ABCB5: variants seen among roughly 807,000 people sequenced by gnomAD.
ABCB5 encodes the protein ATP-binding cassette sub-family B member 5.
ABCB5 carries 155 observed loss-of-function variants against 144.2 expected under a neutral mutation model. The observed-to-expected ratio is 1.08, with a 90% CI of 0.94 to 1.23. ABCB5 has a LOEUF of 1.23. Ranked by LOEUF, ABCB5 falls within the 50% of genes most tolerant of loss-of-function variation. The pLI is 0.00. For synonymous variants in ABCB5, 610 were observed against 528.6 expected (o/e 1.15, Z -2.11); for missense variants, 1,830 against 1,520.8 (o/e 1.20, Z -3.38).
intron 16 of ABCB5, among the ~76,000 whole-genome samples, chr7:20,695,134 A>G (rs1382919701): frequency 1.3e-5 from 2 of 151,990 alleles, no homozygotes; most frequent in South Asian, 4.1e-4. Context: ...TTCTGTTTCA[A>G]CTACTATATA....
intron 23 of ABCB5, among the ~76,000 whole-genome samples, chr7:20,737,588 A>AT (rs555059418): frequency 1.5e-4 from 23 of 152,250 alleles, no homozygotes; most frequent in Admixed American, 1.2e-3. Flanking sequence ...GGAAGAAGCT[A>AT]TTTTCTCAGT....
chr7:20,658,225 G>C (rs1784874151), intron 13 of ABCB5, among the ~76,000 whole-genome samples: 1 of 151,618 alleles, frequency 6.6e-6, no homozygotes, highest in Non-Finnish European at 1.5e-5. Flanking sequence ...TTGGACATTA[G>C]TTTAAATTAT....
At chr7:20,646,168 G>A in intron 9 of ABCB5, 30 bp downstream of exon 9, 1 of 1,582,104 alleles carries the variant, frequency 6.3e-7, no homozygotes, top group East Asian at 2.2e-5. Flanking sequence ...AAGGTGTCAG[G>A]CCTGGATAAT....
At chr7:20,719,286 A>C (rs1447196332) in intron 20 of ABCB5, among the ~76,000 whole-genome samples, 1 of 152,166 alleles carries the variant, frequency 6.6e-6, no homozygotes, top group East Asian at 1.9e-4. Context: ...CTTATTGCTT[A>C]AGTATCATAC....
rs535820133 is a variant in ABCB5, at chr7:20,674,498, A to G, written c.1708-7007A>G. On this transcript the variant is annotated intron_variant, in intron 14 of 27. Coordinates refer to ENST00000404938, the MANE Select transcript of ABCB5 (RefSeq NM_001163941.2). The stretch of plus-strand genomic sequence containing the variant: ...ATCTGTCATCTTTATGTTTGTTCCT[A>G]TATATGTAATGATTGAAGTTAAGTT... Among the ~76,000 whole-genome samples the G allele has an allele frequency of 2.0e-4, 31 of 151,844 alleles. No homozygotes were observed. In the South Asian group the frequency reaches 6.4e-3, roughly 31 times the overall value.
intron 14 of ABCB5, among the ~76,000 whole-genome samples, chr7:20,666,180 A>G (rs1307952553): frequency 6.6e-6 from 1 of 151,854 alleles, no homozygotes; most frequent in African/African-American, 2.4e-5. Flanking sequence ...CAAAAAAAAA[A>G]AAAAAAAAAG....
intron 23 of ABCB5, among the ~76,000 whole-genome samples, chr7:20,731,827 A>C (rs73687888): frequency 0.19 from 29,569 of 151,904 alleles, 3,028 homozygotes; most frequent in Middle Eastern, 0.22. Context: ...AATTCTTCTC[A>C]TCCTCTTCAC....
chr7:20,709,077 T>G (rs77358554), intron 20 of ABCB5, among the ~76,000 whole-genome samples: 3,725 of 152,328 alleles, frequency 0.024, 160 homozygotes, highest in African/African-American at 0.084. Flanking sequence ...ATCTACCTTA[T>G]TTTTTAATTG....
At chr7:20,701,385 T>C (rs1786622502) in intron 19 of ABCB5, among the ~76,000 whole-genome samples, 1 of 152,186 alleles carries the variant, frequency 6.6e-6, no homozygotes, top group Non-Finnish European at 1.5e-5. Context: ...TTCAAATAAA[T>C]TTATTTTAAA....
At chr7:20,655,166 G>T (rs1295222896) in intron 13 of ABCB5, among the ~76,000 whole-genome samples, 13 of 152,088 alleles carry the variant, frequency 8.5e-5, no homozygotes, top group Admixed American at 2.0e-4. Flanking sequence ...ACATTAAAAG[G>T]TTAATAAGGA....
intron 14 of ABCB5, among the ~76,000 whole-genome samples, chr7:20,658,911 C>T (rs888043691): frequency 2.0e-5 from 3 of 152,264 alleles, no homozygotes; most frequent in Admixed American, 6.5e-5. Context: ...GATACACAAG[C>T]AATCATCCAG....
At chr7:20,652,569 GA>G (rs3214125) in intron 13 of ABCB5, among the ~76,000 whole-genome samples, 3 of 151,450 alleles carry the variant, frequency 2.0e-5, no homozygotes, top group Non-Finnish European at 4.4e-5. Flanking sequence ...GACTTTATGG[GA>G]AAAAAAAGTG....
rs371860160 is a variant in ABCB5 at position 20,631,762 on chromosome 7, A to C, written c.260-297A>C. 1.1e-3 allele frequency among the ~76,000 whole-genome samples: 170 copies of C among 152,230 alleles called. 1 individual carries two copies. The East Asian group carries it at 0.024, about 21-fold the overall frequency. On this transcript the variant is annotated intron_variant, in intron 4 of 27. Coordinates refer to ENST00000404938, the MANE Select transcript of ABCB5 (RefSeq NM_001163941.2). ...GGCAGAAGCAGGGAATTTTATAACT[A>C]TTACTTTCCTGATTGTTGTCTGATC...
chr7:20,742,247 G>A (rs1032073239), intron 24 of ABCB5, among the ~76,000 whole-genome samples: 3 of 152,144 alleles, frequency 2.0e-5, no homozygotes, highest in African/African-American at 2.4e-5. Flanking sequence ...GGTGGCGCAC[G>A]CTGGTGGTCC....
In ABCB5 at chr7:20,681,598, G is replaced by A. The variant is rs1785831688; in HGVS notation, c.1801G>A (p.Ala601Thr). Reference protein sequence around the residue: ...LIVTLKDGMLAEKGAHAELMA... With the variant: ...LIVTLKDGMLTEKGAHAELMA... Reference sequence around the variant, plus strand: ...TGTGACCCTAAAGGATGGAATGCTGGCGGAGAAAGGAGCACATGCTGAACT... The same window carrying A: ...TGTGACCCTAAAGGATGGAATGCTGACGGAGAAAGGAGCACATGCTGAACT... The change falls in exon 15 of 28, where the codon GCG (alanine) becomes ACG (threonine). Residue 601 changes from alanine to threonine, a missense_variant. By Grantham distance (58) the Ala-to-Thr change is moderately conservative. Coordinates refer to ENST00000404938, the MANE Select transcript of ABCB5 (RefSeq NM_001163941.2). 5 of 1,614,184 alleles carry A rather than the reference G, an allele frequency of 3.1e-6. No individual in the cohort carries two copies. In the Admixed American group the frequency reaches 6.7e-5, roughly 22 times the overall value.
At chr7:20,695,682 G>C (rs1352191810) in intron 16 of ABCB5, among the ~76,000 whole-genome samples, 1 of 151,850 alleles carries the variant, frequency 6.6e-6, no homozygotes, top group Non-Finnish European at 1.5e-5. Flanking sequence ...ATCAGGACTT[G>C]TATCCAAAAA....
chr7:20,651,122 A>T (rs1358137970), intron 12 of ABCB5, among the ~76,000 whole-genome samples: 1 of 152,154 alleles, frequency 6.6e-6, no homozygotes, highest in East Asian at 1.9e-4. Flanking sequence ...ACATAATAAC[A>T]TTTGCGGAAC....
chr7:20,638,937 C>A (rs1784224061), intron 5 of ABCB5, among the ~76,000 whole-genome samples: 1 of 152,172 alleles, frequency 6.6e-6, no homozygotes, highest in Non-Finnish European at 1.5e-5. Flanking sequence ...CACTGCCAAA[C>A]TGTTTTTTCA....
At chr7:20,626,889 G>GTGTA (rs1451144317) in intron 3 of ABCB5, among the ~76,000 whole-genome samples, 1 of 148,370 alleles carries the variant, frequency 6.7e-6, no homozygotes, top group Non-Finnish European at 1.5e-5. Context: ...GTGTGTGTGT[G>GTGTA]TGTATCATAC....
Sources: gnomAD v4.1 joint callset for allele counts (sites outside exome capture counted in the v4.1 genomes callset) on GRCh38, gnomAD v4.1.1 for gene constraint, MANE v1.5 for transcripts, NCBI Gene and HGNC (gene_info 2026-07-23, HGNC 2026-07-21) for gene names.